The following TRIM38 variants were observed in gnomAD, a reference collection of about 807,000 sequenced individuals.
TRIM38 encodes tripartite motif containing 38, also known as E3 ubiquitin-protein ligase TRIM38.
In TRIM38, 35 loss-of-function variants were observed where a neutral mutation model predicts 35.8. The ratio of observed to expected loss-of-function variants is 0.98; its 90% confidence interval spans 0.75 to 1.30. TRIM38 has a LOEUF of 1.30. TRIM38 is among the 50% of genes most tolerant of loss of function. The pLI is 0.00. For synonymous variants in TRIM38, 198 were observed against 204.7 expected, an observed-to-expected ratio of 0.97 and a Z score of 0.28; for missense variants, 545 against 556.9, an observed-to-expected ratio of 0.98 and a Z score of 0.21.
At chr6:25,974,882 T>A (rs1050952136) in intron 7 of TRIM38, 1 of 985,240 alleles carries the variant, frequency 1.0e-6, no homozygotes, top group African/African-American at 1.7e-5. Context: ...CCAAAAGCAC[T>A]CTGTATTTCA....
chr6:25,965,060 G>C (rs1279890110), intron 2 of TRIM38, among the ~76,000 whole-genome samples: 3 of 152,120 alleles, frequency 2.0e-5, no homozygotes, highest in African/African-American at 7.2e-5. Flanking sequence ...TGATCTGCCC[G>C]CCTCGGCTTC....
chr6:25,987,082 G>C lies in TRIM38; in HGVS notation c.*3395G>C, dbSNP rs1381611183. 6.6e-6 allele frequency: 1 copy of C among 151,970 alleles called. No homozygotes were observed. Among genetic ancestry groups the C allele is most frequent in the Non-Finnish European group, 1.5e-5 (1 of 68,016 alleles). 9.4% of individuals were successfully genotyped at this position (151,970 alleles called of 1,614,324 possible). ...AGTTCTCATATTAAAAAACAGAGAA[G>C]GGACATCGAATAGATGACCAACAAT... On this transcript the variant is annotated 3_prime_UTR_variant, in exon 8 of 8. Transcript: ENST00000357085.
chr6:25,973,609 A>T (rs1760305404), intron 7 of TRIM38: 3 of 979,544 alleles, frequency 3.1e-6, no homozygotes, highest in Admixed American at 1.2e-4. Context: ...AATTAAATGC[A>T]TCAACATGTA....
Position 25,988,425 on chromosome 6 carries a change from T to C in TRIM38, c.*4738T>C, listed in dbSNP as rs962652076. 7 of 152,044 alleles carry C rather than the reference T, an allele frequency of 4.6e-5. No homozygotes were observed. The highest frequency in any genetic ancestry group is 7.3e-5 in the Non-Finnish European group (5 of 68,032). The allele number at this position is 152,044 out of a possible 1,614,324, so 9.4% of individuals were successfully genotyped here. Reference sequence around the variant, plus strand: ...AGGTTGGCTTTTTAGTAACATACATTTAAGTTTCCTTCATGTGTTTTCATG... The same window carrying C: ...AGGTTGGCTTTTTAGTAACATACATCTAAGTTTCCTTCATGTGTTTTCATG... On this transcript the variant is annotated 3_prime_UTR_variant, in exon 8 of 8. Transcript: ENST00000357085.
In TRIM38 at chr6:25,983,864, A is replaced by T. The variant is rs182294477; in HGVS notation, c.*177A>T. On this transcript the variant is annotated 3_prime_UTR_variant, in exon 8 of 8. Transcript: ENST00000357085. ...GAATATATGGACTTAGCAACTAAAAATACCACAGATGGTTAACCTGGACTG... is the reference window on the plus strand; with the variant it reads ...GAATATATGGACTTAGCAACTAAAATTACCACAGATGGTTAACCTGGACTG... 1.7e-6 allele frequency: 1 copy of T among 593,428 alleles called. No homozygotes were observed. Among genetic ancestry groups the T allele is most frequent in the African/African-American group, 1.9e-5 (1 of 53,498 alleles). The allele number at this position is 593,428 out of a possible 1,614,324, so 36.8% of individuals were successfully genotyped here.
chr6:25,979,734 A>T lies in TRIM38; in HGVS notation c.875-3430A>T, dbSNP rs915358720. Among the ~76,000 whole-genome samples, 283 of 151,698 alleles carry T rather than the reference A, an allele frequency of 1.9e-3. 1 individual carries two copies. The highest frequency in any genetic ancestry group is 6.7e-3 in the African/African-American group (276 of 41,486). ...AATATCTATTTTTTCTTTTTAAAAA[A>T]TTATATTTGGCTTTCTATGTTCTTT... On this transcript the variant is annotated intron_variant, in intron 7 of 7. Coordinates refer to ENST00000357085, the MANE Select transcript of TRIM38 (RefSeq NM_006355.5).
At position 25,986,513 on chromosome 6, in the gene TRIM38, CA is replaced by C. The variant is rs199637018; in HGVS notation, c.*2845del. The C allele has an allele frequency of 0.077, 4,672 of 60,496 alleles. 146 individuals carry two copies. Among genetic ancestry groups the C allele is most frequent in the African/African-American group, 0.18 (3,511 of 19,622 alleles). The allele number at this position is 60,496 out of a possible 1,614,324, so 3.7% of individuals were successfully genotyped here. ...TAAGTGACAGAGCAAGACCTTGTCTCAAAAAAAAAAAAAAAAAAAGTTACAG... is the reference window on the plus strand; with the variant it reads ...TAAGTGACAGAGCAAGACCTTGTCTCAAAAAAAAAAAAAAAAAAGTTACAG... On this transcript the variant is annotated 3_prime_UTR_variant, in exon 8 of 8. Coordinates refer to ENST00000357085, the MANE Select transcript of TRIM38 (RefSeq NM_006355.5).
chr6:25,974,365 C>T (rs1760330957), intron 7 of TRIM38, among the ~76,000 whole-genome samples: 1 of 152,186 alleles, frequency 6.6e-6, no homozygotes, highest in South Asian at 2.1e-4. Flanking sequence ...GTTATTTCTT[C>T]AGAGAGAGCT....
chr6:25,971,988 G>T lies in TRIM38; in HGVS notation c.627G>T (p.Leu209=). The T allele has an allele frequency of 6.2e-7, 1 of 1,614,180 alleles. No homozygotes were observed. Among genetic ancestry groups the T allele is most frequent in the South Asian group, 1.1e-5 (1 of 91,082 alleles). Residue 209 remains leucine, a synonymous_variant, in exon 5 of 8, where the codon CTG becomes CTT. Transcript: ENST00000357085. ...WRLEKEEQQT[L]SRLRDYEAGL... ...TGGAGAAAGAAGAACAACAGACTCT[G>T]AGTAGACTGAGGGACTATGAGGCTG...
chr6:25,966,961 T>C lies in TRIM38; in HGVS notation c.411+28T>C, dbSNP rs760914309. ...GAGTGTGTGGGCCCGGGAGCTTTGG[T>C]AAGTACCAAGTCTTATCCTGCTCCC... On this transcript the variant is annotated intron_variant, in intron 3 of 7. Transcript: ENST00000357085. The C allele has an allele frequency of 7.6e-6, 12 of 1,573,356 alleles. No homozygotes were observed. The Admixed American group carries it at 1.2e-4, about 16-fold the overall frequency.
chr6:25,983,555 T>G lies in TRIM38; in HGVS notation c.1266T>G (p.Val422=). Residue 422 remains valine, a synonymous_variant, in exon 8 of 8, where the codon GTT becomes GTG. Transcript: ENST00000357085. ...TTTTTCTGGACTATGAGGCCGGAGT[T>G]GTATCCTTTTATAACGGGAATACTG... ...VGIFLDYEAG[V]VSFYNGNTGC... 1.2e-6 allele frequency: 2 copies of G among 1,614,100 alleles called. No homozygotes were observed. The highest frequency in any genetic ancestry group is 1.6e-4 in the Middle Eastern group (1 of 6,062).
intron 2 of TRIM38, among the ~76,000 whole-genome samples, chr6:25,965,719 A>C (rs1470158007): frequency 4.8e-5 from 2 of 41,550 alleles, no homozygotes; most frequent in Non-Finnish European, 8.3e-5. Flanking sequence ...AGGTCAAGAG[A>C]TCGAGCCAAC....
rs1760794660 is a variant in TRIM38, at chr6:25,989,622, G to C, written c.*5935G>C. On this transcript the variant is annotated 3_prime_UTR_variant, in exon 8 of 8. Transcript: ENST00000357085. Reference sequence around the variant, plus strand: ...TCCTGCCTTGGCCTTCCAAAGTACTGGGATTACAGGCATAAGTCACCACGC... The same window carrying C: ...TCCTGCCTTGGCCTTCCAAAGTACTCGGATTACAGGCATAAGTCACCACGC... The C allele has an allele frequency of 6.7e-6, 1 of 149,928 alleles. No homozygotes were observed. 9.3% of individuals were successfully genotyped at this position (149,928 alleles called of 1,614,324 possible). A position where few individuals can be genotyped will look rare whatever the true frequency, so the allele number is the denominator to read the frequency against.
At chr6:25,975,323 C>T (rs1365017236) in intron 7 of TRIM38, 1 of 195,184 alleles carries the variant, frequency 5.1e-6, no homozygotes, top group African/African-American at 2.4e-5. Flanking sequence ...GCCTCAGCCT[C>T]CCGGGTAGCG....
At chr6:25,970,534 C>T in intron 4 of TRIM38, among the ~76,000 whole-genome samples, 1 of 152,026 alleles carries the variant, frequency 6.6e-6, no homozygotes, top group East Asian at 1.9e-4. Flanking sequence ...GTGGATGTTG[C>T]TCTTGAGCTC....
intron 7 of TRIM38, among the ~76,000 whole-genome samples, chr6:25,976,408 C>T (rs1324874675): frequency 6.6e-6 from 1 of 152,330 alleles, no homozygotes; most frequent in African/African-American, 2.4e-5. Flanking sequence ...GCTGGGACCA[C>T]AGGCAAGCAC....
intron 7 of TRIM38, chr6:25,974,042 A>C (rs1760319499): frequency 4.8e-6 from 1 of 207,188 alleles, no homozygotes; most frequent in African/African-American, 2.4e-5. Context: ...AAATTACCAT[A>C]ATTTAGAACC....
At position 25,983,523 on chromosome 6, in the gene TRIM38, G is replaced by C; in HGVS notation, c.1234G>C (p.Val412Leu). ...TCATCTGCATGAGCAGCCCCTGCTT[G>C]TGGGAATTTTTCTGGACTATGAGGC... is the stretch of plus-strand genomic sequence containing the variant. The part of the protein sequence containing the change: ...SLHLHEQPLL[V>L]GIFLDYEAGV... The change falls in exon 8 of 8, where the codon GTG becomes CTG. Residue 412 changes from valine to leucine, a missense_variant. Val to Leu is a conservative substitution (Grantham distance 32, BLOSUM62 1). Coordinates refer to ENST00000357085, the MANE Select transcript of TRIM38 (RefSeq NM_006355.5). 1 of 1,614,074 alleles carries C rather than the reference G, an allele frequency of 6.2e-7. No homozygotes were observed. The highest frequency in any genetic ancestry group is 2.2e-5 in the East Asian group (1 of 44,862).
chr6:25,970,030 G>A (rs1484973894), intron 4 of TRIM38, among the ~76,000 whole-genome samples: 1 of 152,108 alleles, frequency 6.6e-6, no homozygotes, highest in Non-Finnish European at 1.5e-5. Flanking sequence ...CAATTCCCCT[G>A]CCTCAGCCTC....
Sources: gnomAD v4.1 joint callset for allele counts (sites outside exome capture counted in the v4.1 genomes callset) on GRCh38, gnomAD v4.1.1 for gene constraint, MANE v1.5 for transcripts, NCBI Gene and HGNC (gene_info 2026-07-23, HGNC 2026-07-21) for gene names.